RSRC1: variants seen among roughly 807,000 people sequenced by gnomAD.
The protein encoded by RSRC1 is serine/Arginine-related protein 53.
Under a neutral mutation model 49.1 loss-of-function variants are expected in RSRC1, and 39 were observed. The observed-to-expected ratio is 0.79, with a 90% CI of 0.61 to 1.04. RSRC1 has a LOEUF of 1.04. RSRC1 is among the 50% of genes least tolerant of loss of function. The pLI, the probability that RSRC1 is intolerant of heterozygous loss-of-function variation, is 0.00. For synonymous variants in RSRC1, 143 were observed against 130.8 expected (o/e 1.09, Z -0.63); for missense variants, 388 against 402.4 (o/e 0.96, Z 0.31).
At chr3:158,388,617 T>TTG (rs1553797479) in intron 6 of RSRC1, among the ~76,000 whole-genome samples, 7 of 151,542 alleles carry the variant, frequency 4.6e-5, no homozygotes, top group African/African-American at 1.7e-4. Context: ...TTTTTGTTTT[T>TTG]TTTTTTTTTT....
intron 7 of RSRC1, among the ~76,000 whole-genome samples, chr3:158,470,038 C>G (rs1205655757): frequency 6.6e-6 from 1 of 151,702 alleles, no homozygotes; most frequent in Non-Finnish European, 1.5e-5. Flanking sequence ...TCTCTTTGCC[C>G]CTAAGATACA....
At chr3:158,244,127 G>T (rs1026802065) in intron 4 of RSRC1, among the ~76,000 whole-genome samples, 1 of 151,866 alleles carries the variant, frequency 6.6e-6, no homozygotes, top group Non-Finnish European at 1.5e-5. Context: ...TCTTTCCCTT[G>T]TCGGATAATC....
At chr3:158,234,401 T>C (rs1417593810) in intron 4 of RSRC1, among the ~76,000 whole-genome samples, 1 of 152,190 alleles carries the variant, frequency 6.6e-6, no homozygotes, top group East Asian at 1.9e-4. Context: ...TTTAGGTCTC[T>C]AACTGAAGAT....
At chr3:158,355,496 A>G (rs183935894) in intron 6 of RSRC1, among the ~76,000 whole-genome samples, 151 of 152,098 alleles carry the variant, frequency 9.9e-4, no homozygotes, top group African/African-American at 3.4e-3. Flanking sequence ...AGTGTCATTT[A>G]GTAATTTCCC....
At chr3:158,172,529 T>C (rs1162417430) in intron 3 of RSRC1, among the ~76,000 whole-genome samples, 1 of 152,168 alleles carries the variant, frequency 6.6e-6, no homozygotes, top group Admixed American at 6.6e-5. Flanking sequence ...AATATGTTAG[T>C]AGCACATCTC....
At chr3:158,449,240 T>TA (rs748912590) in intron 6 of RSRC1, among the ~76,000 whole-genome samples, 21 of 151,506 alleles carry the variant, frequency 1.4e-4, no homozygotes, top group East Asian at 5.8e-4. Flanking sequence ...AAGGAGAACT[T>TA]AAAAAAAAAT....
chr3:158,260,120 C>G (rs1724805667), intron 4 of RSRC1, among the ~76,000 whole-genome samples: 1 of 129,462 alleles, frequency 7.7e-6, no homozygotes. Context: ...CCTCTTTACT[C>G]CTTTTCTTCT....
chr3:158,236,961 G>A (rs1723282059), intron 4 of RSRC1, among the ~76,000 whole-genome samples: 1 of 152,140 alleles, frequency 6.6e-6, no homozygotes, highest in South Asian at 2.1e-4. Context: ...AATTGCAGCA[G>A]GTTTCAGAAG....
chr3:158,536,659 G>A (rs778146632), intron 7 of RSRC1, among the ~76,000 whole-genome samples: 26 of 151,434 alleles, frequency 1.7e-4, no homozygotes, highest in Non-Finnish European at 2.8e-4. Flanking sequence ...TGATGCCTGG[G>A]ATTTATTTTT....
chr3:158,133,184 A>G lies in RSRC1; in HGVS notation c.320+9193A>G, dbSNP rs1716147960. Reference sequence around the variant, plus strand: ...ATGCATGAAACAGTTATTGAATTTTAAATTGGGGATCACTTTAATGAAAAC... The same window carrying G: ...ATGCATGAAACAGTTATTGAATTTTGAATTGGGGATCACTTTAATGAAAAC... On this transcript the variant is annotated intron_variant, in intron 3 of 9. Transcript: ENST00000611884. Among the ~76,000 whole-genome samples, 3 of 152,214 alleles carry G rather than the reference A, an allele frequency of 2.0e-5. No individual in the cohort carries two copies. In the South Asian group the frequency reaches 6.2e-4, roughly 31 times the overall value.
chr3:158,406,675 G>C (rs764830373), intron 6 of RSRC1, among the ~76,000 whole-genome samples: 16 of 152,036 alleles, frequency 1.1e-4, no homozygotes, highest in Non-Finnish European at 2.2e-4. Flanking sequence ...CGTGACACCT[G>C]CCAGGGAGAG....
chr3:158,194,806 T>A (rs1185475727), intron 3 of RSRC1, among the ~76,000 whole-genome samples: 2 of 152,088 alleles, frequency 1.3e-5, no homozygotes, highest in Non-Finnish European at 2.9e-5. Context: ...TTCATCCATG[T>A]CCCTACAAAG....
chr3:158,505,473 T>C (rs1298555307), intron 7 of RSRC1, among the ~76,000 whole-genome samples: 1 of 152,174 alleles, frequency 6.6e-6, no homozygotes, highest in African/African-American at 2.4e-5. Flanking sequence ...ATGTAAGAGC[T>C]CTTCTGTATT....
intron 3 of RSRC1, among the ~76,000 whole-genome samples, chr3:158,139,174 GTGGATCATCTGA>G (rs1473590689): frequency 6.6e-6 from 1 of 152,114 alleles, no homozygotes; most frequent in African/African-American, 2.4e-5. Flanking sequence ...GCTCAGGCAG[GTGGATCATCTGA>G]TGTCAGGAGT....
intron 4 of RSRC1, among the ~76,000 whole-genome samples, chr3:158,277,927 A>G (rs1725908937): frequency 6.6e-6 from 1 of 152,178 alleles, no homozygotes; most frequent in African/African-American, 2.4e-5. Context: ...AGTTGGGATT[A>G]TAGGCATGAG....
chr3:158,486,155 T>C (rs62287863), intron 7 of RSRC1, among the ~76,000 whole-genome samples: 13,257 of 152,190 alleles, frequency 0.087, 644 homozygotes, highest in South Asian at 0.15. Flanking sequence ...TATTACTCTT[T>C]TAAATGTTCA....
intron 3 of RSRC1, among the ~76,000 whole-genome samples, chr3:158,185,712 A>G (rs1719890294): frequency 6.6e-6 from 1 of 151,902 alleles, no homozygotes; most frequent in South Asian, 2.1e-4. Flanking sequence ...AAAAAATTTC[A>G]TTTGCTGATT....
chr3:158,228,324 C>T (rs1459758967), intron 4 of RSRC1, among the ~76,000 whole-genome samples: 2 of 151,876 alleles, frequency 1.3e-5, no homozygotes, highest in Non-Finnish European at 2.9e-5. Context: ...ATTTCAGGCC[C>T]TCTTTTTCTT....
rs184263467 is a variant in RSRC1 at position 158,464,303 on chromosome 3, A to G, written c.652+3300A>G. The stretch of plus-strand genomic sequence containing the variant: ...AGGGTGCTAATTATGTTTTAAATCC[A>G]TTGTAAGCATAGTAGTCTTTCTTTG... On this transcript the variant is annotated intron_variant, in intron 7 of 9. Coordinates refer to ENST00000611884, the MANE Select transcript of RSRC1 (RefSeq NM_001271838.2). Among the ~76,000 whole-genome samples the G allele has an allele frequency of 8.5e-5, 13 of 152,252 alleles. No individual in the cohort carries two copies. The East Asian group carries it at 2.5e-3, about 29-fold the overall frequency.
Sources: allele counts gnomAD v4.1 joint callset (sites outside exome capture counted in the v4.1 genomes callset), GRCh38; gene constraint gnomAD v4.1.1; transcripts MANE v1.5; gene names NCBI Gene and HGNC (gene_info 2026-07-23, HGNC 2026-07-21).